Variants in AIG1 observed in about 807,000 individuals in gnomAD.
AIG1 encodes androgen-induced gene 1 protein.
Under a neutral mutation model 31.4 loss-of-function variants are expected in AIG1, and 23 were observed. The ratio of observed to expected loss-of-function variants is 0.73; its 90% CI spans 0.53 to 1.04. AIG1 has a LOEUF of 1.04. Among genes scored for constraint, AIG1 ranks in the 50% least tolerant of loss-of-function variants. The pLI is 0.00. For missense variants in AIG1, 274 were observed against 295.0 expected (o/e 0.93, Z 0.52); for synonymous variants, 100 against 110.5 (o/e 0.90, Z 0.60).
intron 3 of AIG1, among the ~76,000 whole-genome samples, chr6:143,244,959 T>C (rs897616330): frequency 1.3e-5 from 2 of 152,186 alleles, no homozygotes; most frequent in Non-Finnish European, 2.9e-5. Flanking sequence ...TGCTCAGTCC[T>C]TCATTTGAAC....
At chr6:143,222,299 G>A (rs1442778180) in intron 3 of AIG1, among the ~76,000 whole-genome samples, 1 of 152,134 alleles carries the variant, frequency 6.6e-6, no homozygotes, top group African/African-American at 2.4e-5. Flanking sequence ...TTCCCCCATA[G>A]CACTCACTAG....
intron 4 of AIG1, among the ~76,000 whole-genome samples, chr6:143,301,754 G>T (rs986925889): frequency 4.6e-5 from 7 of 152,144 alleles, no homozygotes; most frequent in African/African-American, 1.7e-4. Flanking sequence ...GACAAGTGGG[G>T]ATTATTATAA....
chr6:143,268,216 G>T lies in AIG1; in HGVS notation c.400-15894G>T, dbSNP rs1796280957. Among the ~76,000 whole-genome samples, 2 of 152,114 alleles carry T rather than the reference G, an allele frequency of 1.3e-5. No homozygotes were observed. The highest frequency in any genetic ancestry group is 2.4e-5 in the African/African-American group (1 of 41,418). ...GCCATAAGGAGGAATAAAACCAAAG[G>T]TTGGTTGTGTGATCTACATGTGGAG... On this transcript the variant is annotated intron_variant, in intron 3 of 5. Transcript: ENST00000357847. The surrounding 1 kb of genome is among the most constrained non-coding windows in gnomAD (Gnocchi z 5.0).
At chr6:143,167,612 T>C (rs1333614302) in intron 3 of AIG1, among the ~76,000 whole-genome samples, 1 of 152,220 alleles carries the variant, frequency 6.6e-6, no homozygotes, top group Non-Finnish European at 1.5e-5. Context: ...TTATGAAGCA[T>C]GTATCCAGCC....
chr6:143,119,029 G>T (rs1782005497), intron 1 of AIG1, among the ~76,000 whole-genome samples: 1 of 151,980 alleles, frequency 6.6e-6, no homozygotes, highest in African/African-American at 2.4e-5. Flanking sequence ...GTGCACCATT[G>T]CATCCAACTA....
At chr6:143,285,050 G>A (rs957533087) in intron 4 of AIG1, among the ~76,000 whole-genome samples, 5 of 151,952 alleles carry the variant, frequency 3.3e-5, no homozygotes, top group African/African-American at 1.2e-4. Flanking sequence ...CCTCCTTTAA[G>A]CCCAAAGGAC....
At chr6:143,084,953 CTG>C (rs1218145762) in intron 1 of AIG1, among the ~76,000 whole-genome samples, 1 of 152,168 alleles carries the variant, frequency 6.6e-6, no homozygotes, top group East Asian at 1.9e-4. Context: ...TTAACTGTAA[CTG>C]AGATATCAGA....
intron 1 of AIG1, among the ~76,000 whole-genome samples, chr6:143,116,981 G>A (rs562074492): frequency 2.0e-5 from 3 of 152,074 alleles, no homozygotes; most frequent in Non-Finnish European, 2.9e-5. Context: ...GACAAGGAAC[G>A]AATCTCTGTT....
At chr6:143,146,711 A>C (rs1784746510) in intron 2 of AIG1, among the ~76,000 whole-genome samples, 1 of 152,168 alleles carries the variant, frequency 6.6e-6, no homozygotes, top group African/African-American at 2.4e-5. Context: ...GCTGGACCAA[A>C]GTGTACTGTT....
intron 3 of AIG1, among the ~76,000 whole-genome samples, chr6:143,169,019 T>C (rs1462827783): frequency 6.6e-6 from 1 of 151,398 alleles, no homozygotes; most frequent in Non-Finnish European, 1.5e-5. Context: ...TATATTCATA[T>C]ATTAAATATT....
intron 3 of AIG1, among the ~76,000 whole-genome samples, chr6:143,264,710 A>G (rs542364748): frequency 2.6e-5 from 4 of 152,240 alleles, no homozygotes; most frequent in Non-Finnish European, 5.9e-5. Flanking sequence ...GTGCCTTACC[A>G]AAAACTTTAC....
At chr6:143,081,266 G>A (rs1331353211) in intron 1 of AIG1, among the ~76,000 whole-genome samples, 1 of 152,140 alleles carries the variant, frequency 6.6e-6, no homozygotes, top group African/African-American at 2.4e-5. Flanking sequence ...CACAGTGTAA[G>A]TGATATTGTA....
intron 2 of AIG1, among the ~76,000 whole-genome samples, chr6:143,143,737 A>C (rs995805265): frequency 1.8e-4 from 28 of 151,886 alleles, no homozygotes; most frequent in African/African-American, 6.5e-4. Flanking sequence ...TTATGGTAGA[A>C]CCCAGTACAC....
intron 1 of AIG1, chr6:143,094,337 G>A (rs1374904264): frequency 1.3e-5 from 2 of 152,170 alleles, no homozygotes; most frequent in Non-Finnish European, 1.5e-5. Context: ...CTAGAAAATG[G>A]GTAGGAAGAA....
chr6:143,217,570 G>A (rs1463279949), intron 3 of AIG1, among the ~76,000 whole-genome samples: 1 of 152,072 alleles, frequency 6.6e-6, no homozygotes, highest in African/African-American at 2.4e-5. Flanking sequence ...GTGGAGTGGT[G>A]TGATCTCTGC....
At chr6:143,211,634 T>G (rs1334208016) in intron 3 of AIG1, among the ~76,000 whole-genome samples, 1 of 152,194 alleles carries the variant, frequency 6.6e-6, no homozygotes, top group Non-Finnish European at 1.5e-5. Flanking sequence ...GGCTCATGCC[T>G]GTAATCCCAG....
At chr6:143,160,221 G>A (rs568171557) in intron 2 of AIG1, among the ~76,000 whole-genome samples, 12 of 152,158 alleles carry the variant, frequency 7.9e-5, no homozygotes, top group South Asian at 6.2e-4. Flanking sequence ...TCTTCATGGC[G>A]AATTTCTCTC....
At chr6:143,287,129 C>A (rs1238931723) in intron 4 of AIG1, among the ~76,000 whole-genome samples, 1 of 151,988 alleles carries the variant, frequency 6.6e-6, no homozygotes, top group Non-Finnish European at 1.5e-5. Flanking sequence ...CCATCATCAA[C>A]CCTCCCACAC....
intron 1 of AIG1, among the ~76,000 whole-genome samples, chr6:143,083,212 C>A (rs145942093): frequency 1.2e-3 from 190 of 152,310 alleles, no homozygotes; most frequent in African/African-American, 4.5e-3. Flanking sequence ...AGTTTAAAAG[C>A]GCTTGGGTGG....
Sources: gnomAD v4.1 joint callset for allele counts (sites outside exome capture counted in the v4.1 genomes callset) on GRCh38, gnomAD v4.1.1 for gene constraint, Gnocchi (gnomAD v3.1) non-coding constraint, MANE v1.5 for transcripts, NCBI Gene and HGNC (gene_info 2026-07-23, HGNC 2026-07-21) for gene names.